Variants in DPY30 observed in about 807,000 individuals in gnomAD.
The protein encoded by DPY30 is protein dpy-30 homolog.
In DPY30, 6 loss-of-function variants were observed where a neutral mutation model predicts 16.2. The observed-to-expected ratio is 0.37, with a 90% CI of 0.20 to 0.73. DPY30 has a LOEUF of 0.73. Among genes scored for constraint, DPY30 ranks in the 30% least tolerant of loss-of-function variants. The pLI is 0.51. For missense variants in DPY30, 73 were observed against 113.1 expected (o/e 0.65, Z 1.61); for synonymous variants, 39 against 38.8 (o/e 1.00, Z -0.02).
At chr2:32,016,441 G>C (rs1346566237) in intron 5 of DPY30, among the ~76,000 whole-genome samples, 1 of 152,150 alleles carries the variant, frequency 6.6e-6, no homozygotes, top group African/African-American at 2.4e-5. Context: ...TTGGAATCCA[G>C]TCCAGGAAAA....
Position 32,031,872 on chromosome 2 carries a change from G to A in DPY30, c.85-2136C>T, listed in dbSNP as rs368421502. Among the ~76,000 whole-genome samples, 226 of 151,154 alleles carry A rather than the reference G, an allele frequency of 1.5e-3. 8 individuals carry two copies. In the South Asian group the frequency reaches 0.045, roughly 30 times the overall value. On this transcript the variant is annotated intron_variant, in intron 3 of 4. Coordinates refer to ENST00000342166, the MANE Select transcript of DPY30 (RefSeq NM_001321209.2). ...TGCGCCACTGCACTCCAGCCTGGGT[G>A]ACAGAGCGAGACTCTGTCTCAAAAA...
chr2:32,027,670 C>A (rs1419384332), intron 4 of DPY30, among the ~76,000 whole-genome samples: 3 of 146,610 alleles, frequency 2.0e-5, no homozygotes, highest in Admixed American at 1.4e-4. Context: ...GCTCTGTTGC[C>A]CAGGCTGGAG....
chr2:32,012,436 T>TC (rs1345418385), intron 5 of DPY30, among the ~76,000 whole-genome samples: 20 of 133,642 alleles, frequency 1.5e-4, no homozygotes, highest in African/African-American at 5.1e-4. Flanking sequence ...TTTTTTTTTT[T>TC]TTTTTTTTTT....
intron 3 of DPY30, among the ~76,000 whole-genome samples, chr2:32,036,495 C>A (rs1461723381): frequency 2.6e-5 from 4 of 151,970 alleles, no homozygotes; most frequent in Non-Finnish European, 4.4e-5. Flanking sequence ...CACGGTGAAA[C>A]CCCGTCTCTA....
At chr2:32,033,838 A>C (rs1385334208) in intron 3 of DPY30, among the ~76,000 whole-genome samples, 2 of 152,226 alleles carry the variant, frequency 1.3e-5, no homozygotes, top group East Asian at 1.9e-4. Context: ...CTAACCTAAA[A>C]ATAGATATAG....
intron 3 of DPY30, among the ~76,000 whole-genome samples, chr2:32,031,536 G>C (rs1573000984): frequency 6.6e-6 from 1 of 152,278 alleles, no homozygotes; most frequent in South Asian, 2.1e-4. Flanking sequence ...GGCAGTGGTT[G>C]CAGTGAGCTG....
intron 3 of DPY30, among the ~76,000 whole-genome samples, chr2:32,031,608 A>C (rs1441761844): frequency 1.4e-5 from 2 of 146,748 alleles, no homozygotes; most frequent in Non-Finnish European, 3.0e-5. Flanking sequence ...AAACGAAAAA[A>C]CAAAGGCCGG....
At chr2:32,032,906 G>T (rs748507637) in intron 3 of DPY30, among the ~76,000 whole-genome samples, 31 of 152,190 alleles carry the variant, frequency 2.0e-4, no homozygotes, top group Non-Finnish European at 3.8e-4. Flanking sequence ...TAAGGCAGGA[G>T]AATTGCTTGA....
downstream of DPY30, among the ~76,000 whole-genome samples, chr2:32,022,947 G>A (rs1675218111): frequency 6.6e-6 from 1 of 152,160 alleles, no homozygotes; most frequent in South Asian, 2.1e-4. Context: ...TTCTTGGGGA[G>A]GGAGAAGATG....
chr2:32,038,244 G>A (rs1010850569), intron 3 of DPY30, among the ~76,000 whole-genome samples: 2 of 145,026 alleles, frequency 1.4e-5, no homozygotes, highest in African/African-American at 5.1e-5. Context: ...CAAGCGATTC[G>A]CGATTCTCCT....
downstream of DPY30, among the ~76,000 whole-genome samples, chr2:32,020,705 T>G (rs1675159713): frequency 6.6e-6 from 1 of 152,038 alleles, no homozygotes; most frequent in South Asian, 2.1e-4. Context: ...TTAAATAAAA[T>G]TAAATAGGGA....
chr2:32,020,349 T>C (rs1249644878), downstream of DPY30, among the ~76,000 whole-genome samples: 2 of 151,918 alleles, frequency 1.3e-5, no homozygotes, highest in African/African-American at 4.8e-5. Flanking sequence ...CTGCAAAAGC[T>C]TCAAATAAAA....
intron 4 of DPY30, among the ~76,000 whole-genome samples, chr2:32,025,319 C>T (rs1040804919): frequency 2.6e-5 from 4 of 151,990 alleles, no homozygotes; most frequent in African/African-American, 4.8e-5. Context: ...AAAAATTAGC[C>T]GGTCATGGCA....
intron 4 of DPY30, among the ~76,000 whole-genome samples, chr2:32,025,315 T>C: frequency 6.6e-6 from 1 of 151,920 alleles, no homozygotes; most frequent in East Asian, 1.9e-4. Flanking sequence ...ATACAAAAAT[T>C]AGCCGGTCAT....
intron 5 of DPY30, among the ~76,000 whole-genome samples, chr2:32,018,326 G>A (rs1222796599): frequency 6.6e-6 from 1 of 152,130 alleles, no homozygotes; most frequent in Non-Finnish European, 1.5e-5. Flanking sequence ...CATCATAGGT[G>A]TGCTTTGTGG....
At chr2:32,014,024 AAGAG>A (rs1675017640) in intron 5 of DPY30, among the ~76,000 whole-genome samples, 2 of 151,356 alleles carry the variant, frequency 1.3e-5, no homozygotes, top group African/African-American at 4.8e-5. Context: ...GAAAGAGAGA[AAGAG>A]AGAGACAGAG....
intron 4 of DPY30, among the ~76,000 whole-genome samples, chr2:32,026,838 A>G (rs1186472531): frequency 1.3e-5 from 2 of 151,918 alleles, no homozygotes; most frequent in East Asian, 3.8e-4. Flanking sequence ...AAATACAGTA[A>G]TATTTTAAAT....
At chr2:32,038,979 A>G (rs142869794) in intron 3 of DPY30, among the ~76,000 whole-genome samples, 2 of 152,174 alleles carry the variant, frequency 1.3e-5, no homozygotes, top group Non-Finnish European at 2.9e-5. Context: ...TGCGGTTTTT[A>G]CGTAGCAACA....
intron 4 of DPY30, among the ~76,000 whole-genome samples, chr2:32,025,083 C>A (rs1675279834): frequency 6.6e-6 from 1 of 152,036 alleles, no homozygotes; most frequent in African/African-American, 2.4e-5. Context: ...TTTAAACAGC[C>A]CTAAGAGCTG....
Sources: allele counts gnomAD v4.1 joint callset (sites outside exome capture counted in the v4.1 genomes callset), GRCh38; gene constraint gnomAD v4.1.1; transcripts MANE v1.5; gene names NCBI Gene and HGNC (gene_info 2026-07-23, HGNC 2026-07-21).